The following SALL1 variants were observed in gnomAD, a reference collection of about 807,000 sequenced individuals.
SALL1 encodes the protein spalt like transcription factor 1.
A neutral mutation model predicts 73.1 loss-of-function variants in SALL1; 10 were observed. The observed-to-expected ratio is 0.14, with a 90% CI of 0.08 to 0.23. The LOEUF is 0.23. SALL1 is among the 10% of genes least tolerant of loss of function. SALL1 has a pLI of 1.00. For synonymous variants in SALL1, 688 were observed against 689.8 expected (o/e 1.00, Z 0.04); for missense variants, 1,520 against 1,697.3 (o/e 0.90, Z 1.84).
At position 51,151,092 on chromosome 16, in the gene SALL1, C is replaced by G. The variant is rs945483485; in HGVS notation, c.76+74G>C. On this transcript the variant is annotated intron_variant, in intron 1 of 2. Transcript: ENST00000251020. ...AGGTAGGGGGCGCGGGGGCCAGCCG[C>G]GTGTGAGTGGGTCCGAGTGTGCGTG... 36 of 1,096,578 alleles carry G rather than the reference C, an allele frequency of 3.3e-5. No individual in the cohort carries two copies. The African/African-American group carries it at 4.6e-4, about 14-fold the overall frequency. The allele number at this position is 1,096,578 out of a possible 1,614,324, so 67.9% of individuals were successfully genotyped here. A position where few individuals can be genotyped will look rare whatever the true frequency, so the allele number is the denominator to read the frequency against.
intron 1 of SALL1, chr16:51,149,896 C>T (rs568264227): frequency 6.6e-6 from 1 of 152,364 alleles, no homozygotes; most frequent in Admixed American, 6.5e-5. Flanking sequence ...CTTCACACCC[C>T]AAAATGCCGC....
intron 1 of SALL1, chr16:51,149,935 C>G (rs992025291): frequency 2.0e-5 from 3 of 152,370 alleles, no homozygotes; most frequent in African/African-American, 7.2e-5. Flanking sequence ...GAGTGGCATC[C>G]GGAGCCGCTG....
In SALL1 at chr16:51,140,971, G is replaced by A; in HGVS notation, c.1251C>T (p.Asn417=). ...TTTGCTGGGCCAAGGCAGACAAGGA[G>A]TTTAAATCCTCTGCAGTTGTTCCGA... ...PNIGTTAEDL[N]SLSALAQQRK... Residue 417 remains asparagine (N), a synonymous_variant, in exon 2 of 3, where the codon AAC becomes AAT. Transcript: ENST00000251020. This position sits in a 1 kb window ranked among gnomAD's most constrained non-coding sequence, Gnocchi z 5.7. The A allele has an allele frequency of 6.2e-7, 1 of 1,614,242 alleles. No homozygotes were observed. The highest frequency in any genetic ancestry group is 8.5e-7 in the Non-Finnish European group (1 of 1,180,040).
chr16:51,148,904 G>A (rs1962555837), intron 1 of SALL1, among the ~76,000 whole-genome samples: 2 of 151,952 alleles, frequency 1.3e-5, no homozygotes, highest in African/African-American at 2.4e-5. Context: ...AGGGGGTGGG[G>A]AGAGGTGAGG....
At position 51,141,923 on chromosome 16, in the gene SALL1, T is replaced by C. The variant is rs1202450662; in HGVS notation, c.299A>G (p.Asp100Gly). 2 of 1,613,742 alleles carry C rather than the reference T, an allele frequency of 1.2e-6. No individual in the cohort carries two copies. Among genetic ancestry groups the C allele is most frequent in the Admixed American group, 3.3e-5 (2 of 60,022 alleles). Reference protein sequence around the residue: ...PPDNPDEQMNDTVNKTDQVDC... With the variant: ...PPDNPDEQMNGTVNKTDQVDC... ...CACTTGATCTGTTTTGTTAACTGTG[T>C]CATTCATTTGTTCATCAGGATTATC... is the stretch of plus-strand genomic sequence containing the variant. Residue 100 changes from aspartate to glycine, a missense_variant, in exon 2 of 3, where the codon GAC (aspartate) becomes GGC (glycine). Around this residue, in one of 7 missense-constraint regions of SALL1, gnomAD observed 540 missense variants for 567.5 expected, o/e 0.95. Coordinates refer to ENST00000251020, the MANE Select transcript of SALL1 (RefSeq NM_002968.3). The surrounding 1 kb of genome is among the most constrained non-coding windows in gnomAD (Gnocchi z 5.4).
Position 51,141,609 on chromosome 16 carries a change from C to A in SALL1, c.613G>T (p.Val205Leu). The A allele has an allele frequency of 6.2e-7, 1 of 1,614,110 alleles. No homozygotes were observed. ...TCCTGGGAGAACTGGGCCACCGCCA[C>A]CTTGGTGCTCTGGAGGTTCTCGATG... ...VIIENLQSTK[V>L]AVAQFSQEAR... The change falls in exon 2 of 3, where the codon GTG (valine) becomes TTG (leucine). Residue 205 changes from valine to leucine, a missense_variant. Transcript: ENST00000251020. The surrounding 1 kb of genome is among the most constrained non-coding windows in gnomAD (Gnocchi z 5.4).
At chr16:51,143,413 G>GAAAAAAA in intron 1 of SALL1, 1 of 123,816 alleles carries the variant, frequency 8.1e-6, no homozygotes, top group Admixed American at 1.6e-4. Flanking sequence ...CGAAGGCTGT[G>GAAAAAAA]AAGAAAAAAA....
In SALL1 at chr16:51,140,598, G is replaced by C. The variant is rs1410192865; in HGVS notation, c.1624C>G (p.Leu542Val). ...GTAGGCAGGACTGGTTTGGTGTCTA[G>C]CCAGCTGGTGACTGGCTTCTCTGGA... Reference protein sequence around the residue: ...IPPEKPVTSWLDTKPVLPTLT... With the variant: ...IPPEKPVTSWVDTKPVLPTLT... The change falls in exon 2 of 3, where the codon CTA becomes GTA. Residue 542 changes from leucine to valine, a missense_variant. Transcript: ENST00000251020. The surrounding 1 kb of genome is among the most constrained non-coding windows in gnomAD (Gnocchi z 5.7). The C allele has an allele frequency of 6.2e-7, 1 of 1,613,954 alleles. No homozygotes were observed. Among genetic ancestry groups the C allele is most frequent in the African/African-American group, 1.3e-5 (1 of 74,930 alleles).
chr16:51,139,571 C>T lies in SALL1; in HGVS notation c.2651G>A (p.Ser884Asn). The T allele has an allele frequency of 6.2e-7, 1 of 1,614,192 alleles. No individual in the cohort carries two copies. Among genetic ancestry groups the T allele is most frequent in the Non-Finnish European group, 8.5e-7 (1 of 1,180,018 alleles). The stretch of plus-strand genomic sequence containing the variant: ...GGACCCATTCTCCACTGACTTCAGG[C>T]TGGCCTGTAGCTGCTCTGCCAGGCC... ...NAGLAEQLQA[S>N]LKSVENGSIE... Residue 884 changes from serine to asparagine, a missense_variant, in exon 2 of 3, where the codon AGC (serine) becomes AAC (asparagine). By Grantham distance (46) the Ser-to-Asn change is conservative. Transcript: ENST00000251020.
intron 1 of SALL1, chr16:51,150,835 C>T (rs1962587394): frequency 7.9e-6 from 2 of 253,370 alleles, no homozygotes; most frequent in Admixed American, 5.5e-5. Flanking sequence ...ATGGGGCTCC[C>T]GGGTCTTGGC....
chr16:51,149,148 G>C (rs1309883754), intron 1 of SALL1: 1 of 152,636 alleles, frequency 6.6e-6, no homozygotes, highest in East Asian at 1.9e-4. Flanking sequence ...AAGAGGTAGT[G>C]AACTCCTTTT....
rs750099701 is a variant in SALL1, at chr16:51,141,069, TTAA to T, written c.1150_1152del (p.Leu384del). On this transcript the variant is annotated inframe_deletion, in exon 2 of 3. Coordinates refer to ENST00000251020, the MANE Select transcript of SALL1 (RefSeq NM_002968.3). This position sits in a 1 kb window ranked among gnomAD's most constrained non-coding sequence, Gnocchi z 5.4. Reference sequence around the variant, plus strand: ...GGTAGAAGTGGATTAGACGCAGGACTTAATAAACTGCTTATTGCAAAAGCTGGT... The same window carrying T: ...GGTAGAAGTGGATTAGACGCAGGACTTAAACTGCTTATTGCAAAAGCTGGT... 6.2e-7 allele frequency: 1 copy of T among 1,614,214 alleles called. No individual in the cohort carries two copies. Among genetic ancestry groups the T allele is most frequent in the South Asian group, 1.1e-5 (1 of 91,088 alleles).
intron 1 of SALL1, among the ~76,000 whole-genome samples, chr16:51,142,911 C>T (rs1442198958): frequency 6.6e-6 from 1 of 152,326 alleles, no homozygotes; most frequent in Non-Finnish European, 1.5e-5. Context: ...GTAACTCCGG[C>T]TACCATTCCA....
In SALL1 at chr16:51,139,423, G is replaced by A. The variant is rs1311367612; in HGVS notation, c.2799C>T (p.Asn933=). 5.0e-6 allele frequency: 8 copies of A among 1,614,090 alleles called. No homozygotes were observed. Among genetic ancestry groups the A allele is most frequent in the Middle Eastern group, 1.6e-4 (1 of 6,084 alleles). ...GTGACTTGTGGAACTCCTGCGTGCT[G>A]TTGGACGGGGACAGAGCCTGCATGG... ...TSSMQALSPS[N]STQEFHKSPS... Residue 933 remains asparagine, a synonymous_variant, in exon 2 of 3, where the codon AAC becomes AAT. Coordinates refer to ENST00000251020, the MANE Select transcript of SALL1 (RefSeq NM_002968.3).
At chr16:51,151,314 A>AGCG (rs954474530), upstream of SALL1, 460 of 1,199,868 alleles carry the variant, frequency 3.8e-4, no homozygotes, top group South Asian at 6.7e-4. Context: ...ACGGAAATCG[A>AGCG]GCGGCGGCGG....
chr16:51,149,624 G>A (rs1962566926), intron 1 of SALL1: 1 of 152,214 alleles, frequency 6.6e-6, no homozygotes, highest in African/African-American at 2.4e-5. Flanking sequence ...CTGGGGGCCG[G>A]GAGGAGGGCT....
chr16:51,147,780 A>AACGC (rs1555475919), intron 1 of SALL1, among the ~76,000 whole-genome samples: 4 of 146,312 alleles, frequency 2.7e-5, no homozygotes, highest in African/African-American at 1.0e-4. Flanking sequence ...GAAGAACTCC[A>AACGC]ACACACACAC....
chr16:51,141,636 T>C lies in SALL1; in HGVS notation c.586A>G (p.Ile196Val). Residue 196 changes from isoleucine (I) to valine (V), a missense_variant, in exon 2 of 3, where the codon ATC becomes GTC. Ile to Val is a conservative substitution (Grantham distance 29). Transcript: ENST00000251020. This position sits in a 1 kb window ranked among gnomAD's most constrained non-coding sequence, Gnocchi z 5.4. ...TTGGTGCTCTGGAGGTTCTCGATGA[T>C]GACGTTGCTGTTGATTACGGAGAAG... ...GNFSVINSNV[I>V]IENLQSTKVA... 1.9e-6 allele frequency: 3 copies of C among 1,613,900 alleles called. No homozygotes were observed. Among genetic ancestry groups the C allele is most frequent in the Admixed American group, 3.3e-5 (2 of 60,022 alleles).
rs1289646620 is a variant in SALL1, at chr16:51,142,031, T to C, written c.191A>G (p.Asn64Ser). ...ELSDLLLHKK[N>S]CTKNQLVLIV... ...TAAAACTAATTGATTTTTAGTACAG[T>C]TCTTCTTGTGGAGCAGAAGATCTGA... The change falls in exon 2 of 3, where the codon AAC (asparagine) becomes AGC (serine). Residue 64 changes from asparagine (N) to serine (S), a missense_variant. This residue lies in a region of SALL1 where 540 missense variants were observed against 567.5 expected (regional missense o/e 0.95). Coordinates refer to ENST00000251020, the MANE Select transcript of SALL1 (RefSeq NM_002968.3). 6.2e-7 allele frequency: 1 copy of C among 1,614,006 alleles called. No homozygotes were observed. The highest frequency in any genetic ancestry group is 1.1e-5 in the South Asian group (1 of 91,068).
Sources: allele counts gnomAD v4.1 joint callset (sites outside exome capture counted in the v4.1 genomes callset), GRCh38; gene constraint gnomAD v4.1.1; regional missense constraint gnomAD v4.1.1; non-coding constraint Gnocchi (gnomAD v3.1); transcripts MANE v1.5; gene names NCBI Gene and HGNC (gene_info 2026-07-23, HGNC 2026-07-21).